Variants in GALNT14 observed in about 807,000 individuals in gnomAD.
GALNT14 encodes the protein polypeptide N-acetylgalactosaminyltransferase 14, also known as UDP-GalNAc:polypeptide N-acetylgalactosaminyltransferase 14.
A neutral mutation model predicts 77.5 loss-of-function variants in GALNT14; 60 were observed. The observed-to-expected ratio is 0.77, with a 90% CI of 0.63 to 0.96. The LOEUF is 0.96. Among genes scored for constraint, GALNT14 ranks in the 40% least tolerant of loss-of-function variants. GALNT14 has a pLI of 0.00. For synonymous variants in GALNT14, 280 were observed against 281.7 expected (o/e 0.99, Z 0.06); for missense variants, 710 against 731.0 (o/e 0.97, Z 0.33).
chr2:30,902,695 T>C, the GALNT14 span, among the ~76,000 whole-genome samples: 1 of 152,132 alleles, frequency 6.6e-6, no homozygotes, highest in African/African-American at 2.4e-5. Flanking sequence ...AGGAATAGTT[T>C]TTCAATCATC....
At chr2:30,901,148 C>A in the GALNT14 span, among the ~76,000 whole-genome samples, 1 of 152,164 alleles carries the variant, frequency 6.6e-6, no homozygotes, top group Non-Finnish European at 1.5e-5. Flanking sequence ...AAAGGCAAAC[C>A]TTTCCTGAGG....
chr2:30,992,797 T>A (rs760547878), intron 2 of GALNT14, 41 bp downstream of exon 2: 1 of 1,601,872 alleles, frequency 6.2e-7, no homozygotes, highest in Non-Finnish European at 8.5e-7. Flanking sequence ...GTTGATCTCT[T>A]TTGACTGCGG....
At chr2:31,096,704 G>A (rs1677019336) in intron 1 of GALNT14, among the ~76,000 whole-genome samples, 1 of 152,036 alleles carries the variant, frequency 6.6e-6, no homozygotes, top group Admixed American at 6.6e-5. Flanking sequence ...TCACAGTCCT[G>A]GTTTAATATT....
intron 6 of GALNT14, among the ~76,000 whole-genome samples, chr2:30,954,611 C>A (rs1667243484): frequency 6.6e-6 from 1 of 152,200 alleles, no homozygotes; most frequent in South Asian, 2.1e-4. Flanking sequence ...TTGGAATGAA[C>A]AATGTTGGGA....
intron 3 of GALNT14, among the ~76,000 whole-genome samples, chr2:30,958,675 C>T (rs529148458): frequency 2.6e-5 from 4 of 152,264 alleles, no homozygotes; most frequent in African/African-American, 9.6e-5. Context: ...CGCAAAGCCA[C>T]CCAGACAGAA....
intron 12 of GALNT14, 104 bp from the exon 13 acceptor site, chr2:30,924,367 C>T: frequency 7.9e-7 from 1 of 1,268,304 alleles, no homozygotes; most frequent in Non-Finnish European, 1.1e-6. Flanking sequence ...CAGGGCTGGG[C>T]TGTTAGAAAA....
At chr2:31,055,628 G>A (rs1220391373) in intron 1 of GALNT14, among the ~76,000 whole-genome samples, 1 of 152,170 alleles carries the variant, frequency 6.6e-6, no homozygotes, top group African/African-American at 2.4e-5. Context: ...ATAAGGAGAG[G>A]GCTTTGAGCA....
At chr2:31,039,918 C>T (rs1176786076) in intron 1 of GALNT14, among the ~76,000 whole-genome samples, 2 of 152,134 alleles carry the variant, frequency 1.3e-5, no homozygotes, top group Non-Finnish European at 2.9e-5. Context: ...GAAAACCATG[C>T]TTATTTTGAG....
chr2:30,899,578 T>C, the GALNT14 span, among the ~76,000 whole-genome samples: 1 of 152,100 alleles, frequency 6.6e-6, no homozygotes, highest in Non-Finnish European at 1.5e-5. Flanking sequence ...AGGTTTTTTT[T>C]TTTTTCCTCC....
At chr2:31,072,263 TCACA>T (rs544087870) in intron 1 of GALNT14, among the ~76,000 whole-genome samples, 2 of 80,278 alleles carry the variant, frequency 2.5e-5, no homozygotes, top group Non-Finnish European at 5.0e-5. Flanking sequence ...TCTCTCTCTC[TCACA>T]CACACACACA....
Position 30,955,993 on chromosome 2 carries a change from G to C in GALNT14, c.467-16C>G. 6.2e-7 allele frequency: 1 copy of C among 1,614,122 alleles called. No individual in the cohort carries two copies. Among genetic ancestry groups the C allele is most frequent in the Non-Finnish European group, 8.5e-7 (1 of 1,179,950 alleles). Reference sequence around the variant, plus strand: ...CAGTCATCAGCTGCAAAGACAAAAGGTTAAGCCAATTGAGCGCCCAGGGAT... The same window carrying C: ...CAGTCATCAGCTGCAAAGACAAAAGCTTAAGCCAATTGAGCGCCCAGGGAT... On this transcript the variant is annotated splice_polypyrimidine_tract_variant and intron_variant, in intron 4 of 14. Coordinates refer to ENST00000349752, the MANE Select transcript of GALNT14 (RefSeq NM_024572.4).
At chr2:30,949,455 T>C (rs1278398363) in intron 6 of GALNT14, among the ~76,000 whole-genome samples, 1 of 152,002 alleles carries the variant, frequency 6.6e-6, no homozygotes, top group Non-Finnish European at 1.5e-5. Context: ...TAAAGCAAGG[T>C]CCATGCTTAG....
chr2:30,990,382 GAC>G (rs780714314), intron 2 of GALNT14, among the ~76,000 whole-genome samples: 13 of 152,240 alleles, frequency 8.5e-5, no homozygotes, highest in Non-Finnish European at 1.8e-4. Flanking sequence ...ATGAAGCCGG[GAC>G]ACAGTGGGGA....
intron 1 of GALNT14, among the ~76,000 whole-genome samples, chr2:31,130,784 G>GTGTGCGCGCA (rs57066682): frequency 3.2e-5 from 4 of 124,974 alleles, no homozygotes; most frequent in African/African-American, 1.6e-4. Flanking sequence ...GTGTGTGTGT[G>GTGTGCGCGCA]CGCGCGCACC....
Position 31,138,157 on chromosome 2 carries a change from G to T in GALNT14, c.-71C>A, listed in dbSNP as rs1679315480. 5.0e-6 allele frequency: 8 copies of T among 1,602,804 alleles called. No homozygotes were observed. Among genetic ancestry groups the T allele is most frequent in the East Asian group, 2.2e-5 (1 of 44,720 alleles). On this transcript the variant is annotated 5_prime_UTR_variant, in exon 1 of 15. Transcript: ENST00000349752. ...ACCCCCCGGCGGTCAGGGTTGGCGG[G>T]GCAGGAGTCCTGGCGAGCGCCTCGC...
chr2:31,085,273 T>A (rs1676371085), intron 1 of GALNT14, among the ~76,000 whole-genome samples: 1 of 152,080 alleles, frequency 6.6e-6, no homozygotes, highest in African/African-American at 2.4e-5. Flanking sequence ...CAGGCTTGGA[T>A]CTCCTTGGCA....
In GALNT14 at chr2:30,910,980, G is replaced by T. The variant is rs778608668; in HGVS notation, c.1580C>A (p.Thr527Asn). 6.2e-7 allele frequency: 1 copy of T among 1,613,962 alleles called. No homozygotes were observed. The highest frequency in any genetic ancestry group is 8.5e-7 in the Non-Finnish European group (1 of 1,180,034). Residue 527 changes from threonine (T) to asparagine (N), a missense_variant, in exon 15 of 15, where the codon ACC becomes AAC. Thr to Asn is a moderately conservative substitution (Grantham distance 65). Coordinates refer to ENST00000349752, the MANE Select transcript of GALNT14 (RefSeq NM_024572.4). The stretch of plus-strand genomic sequence containing the variant: ...GACGACGATTTCCTTGCCGTTCTCG[G>T]TGCCATCACCGAACATATCTGTATC... ...CLDTDMFGDG[T>N]ENGKEIVVNP... is the part of the protein sequence containing the mutation.
chr2:31,076,394 A>G (rs1326707283), intron 1 of GALNT14, among the ~76,000 whole-genome samples: 1 of 152,182 alleles, frequency 6.6e-6, no homozygotes, highest in Non-Finnish European at 1.5e-5. Flanking sequence ...TCCACACTTC[A>G]GAACCAACTC....
chr2:31,123,627 A>T (rs6760355), intron 1 of GALNT14, among the ~76,000 whole-genome samples: 4 of 152,034 alleles, frequency 2.6e-5, no homozygotes, highest in East Asian at 1.9e-4. Flanking sequence ...TCTAATAAGC[A>T]GCCCTGTGGA....
Sources: allele counts gnomAD v4.1 joint callset (sites outside exome capture counted in the v4.1 genomes callset), GRCh38; gene constraint gnomAD v4.1.1; transcripts MANE v1.5; gene names NCBI Gene and HGNC (gene_info 2026-07-23, HGNC 2026-07-21).